FAS: variants seen among roughly 807,000 people sequenced by gnomAD.
FAS encodes the protein tumor necrosis factor receptor superfamily member 6.
FAS carries 5 observed loss-of-function variants against 33.2 expected under a neutral mutation model. The observed-to-expected ratio is 0.15, with a 90% CI of 0.08 to 0.32. The LOEUF (loss-of-function observed/expected upper bound fraction) is 0.32. Among genes scored for constraint, FAS ranks in the 10% least tolerant of loss-of-function variants. The pLI is 1.00. For synonymous variants in FAS, 131 were observed against 130.7 expected, an observed-to-expected ratio of 1.00 and a Z score of -0.01; for missense variants, 339 against 386.0, an observed-to-expected ratio of 0.88 and a Z score of 1.02.
intron 2 of FAS, 131 bp from the exon 3 acceptor site, chr10:89,007,569 A>C (rs1175680505): frequency 2.8e-6 from 3 of 1,077,468 alleles, no homozygotes; most frequent in African/African-American, 1.6e-5. Context: ...CATTGTATTT[A>C]TATCTCATTA....
chr10:88,970,515 G>A (rs1846414116), intron 1 of FAS, among the ~76,000 whole-genome samples: 1 of 152,054 alleles, frequency 6.6e-6, no homozygotes. Context: ...AACTCAGAGA[G>A]GTAGTGAATG....
chr10:88,991,016 G>A (rs1847155425), intron 1 of FAS, 110 bp downstream of exon 1: 2 of 1,476,244 alleles, frequency 1.4e-6, no homozygotes, highest in Non-Finnish European at 1.9e-6. Context: ...CGGCGCACGC[G>A]GGCACCTGGG....
rs1847144532 is a variant in FAS, at chr10:88,990,951, C to G, written c.30+45C>G. On this transcript the variant is annotated intron_variant, in intron 1 of 8. Transcript: ENST00000652046. The surrounding 1 kb of genome is among the most constrained non-coding windows in gnomAD (Gnocchi z 4.9). ...GGTGGAGGCTTACCCCGTCTTAGTC[C>G]CGGGGATAGGCAAAGTGGGGCGGGC... 6.2e-7 allele frequency: 1 copy of G among 1,613,826 alleles called. No homozygotes were observed. The highest frequency in any genetic ancestry group is 2.2e-5 in the East Asian group (1 of 44,864).
chr10:89,000,908 A>G (rs1019978770), intron 1 of FAS, among the ~76,000 whole-genome samples: 13 of 111,542 alleles, frequency 1.2e-4, no homozygotes, highest in African/African-American at 3.7e-4. Context: ...ATTAGCCGTC[A>G]TAGTGTGCAT....
upstream of FAS, among the ~76,000 whole-genome samples, chr10:88,983,216 C>A (rs1284701795): frequency 1.3e-5 from 2 of 152,100 alleles, no homozygotes; most frequent in Non-Finnish European, 2.9e-5. Flanking sequence ...GAGGAGTGAA[C>A]ATAAACAGCA....
chr10:88,973,363 C>A lies in FAS; in HGVS notation n.260+16C>A. 9 of 1,460,612 alleles carry A rather than the reference C, an allele frequency of 6.2e-6. No individual in the cohort carries two copies. In the South Asian group the frequency reaches 9.1e-5, roughly 15 times the overall value. 90.5% of individuals were successfully genotyped at this position (1,460,612 alleles called of 1,614,324 possible). On this transcript the variant is annotated intron_variant and non_coding_transcript_variant, in intron 2 of 3. Transcript: ENST00000688239. ...AGGTGATTAGGTAATCCAAGAATTG[C>A]CAGGCGAACAATTGTGAAAATCTTT...
At chr10:89,012,412 A>G (rs970446662) in intron 7 of FAS, 6 of 299,242 alleles carry the variant, frequency 2.0e-5, no homozygotes, top group Admixed American at 4.7e-5. Context: ...TTTTGACCTC[A>G]AGCAATCCTT....
chr10:88,964,326 G>C (rs138692966), intron 1 of FAS, among the ~76,000 whole-genome samples: 9 of 152,182 alleles, frequency 5.9e-5, no homozygotes. Flanking sequence ...AATTCTCAAA[G>C]AAGTGGCTTA....
At chr10:88,977,308 A>C (rs557895694) in intron 2 of FAS, among the ~76,000 whole-genome samples, 38 of 151,682 alleles carry the variant, frequency 2.5e-4, no homozygotes, top group African/African-American at 8.0e-4. Context: ...TCTAACATTT[A>C]AGTCTTTAAT....
chr10:88,986,593 C>T (rs1482841823), upstream of FAS, among the ~76,000 whole-genome samples: 1 of 152,028 alleles, frequency 6.6e-6, no homozygotes, highest in Non-Finnish European at 1.5e-5. Context: ...CTTTAGGACA[C>T]TTTTCTTAGG....
At chr10:89,004,454 C>A (rs1292384113) in intron 2 of FAS, among the ~76,000 whole-genome samples, 1 of 151,910 alleles carries the variant, frequency 6.6e-6, no homozygotes, top group Non-Finnish European at 1.5e-5. Context: ...CATGCTGGTG[C>A]ACTGCACCCA....
At chr10:89,011,710 T>C (rs1326560888) in intron 6 of FAS, among the ~76,000 whole-genome samples, 1 of 152,236 alleles carries the variant, frequency 6.6e-6, no homozygotes, top group Non-Finnish European at 1.5e-5. Context: ...GTCCACATCT[T>C]TGCTGGACAG....
Position 89,016,813 on chromosome 10 carries a change from C to A in FAS, c.*2363C>A. On this transcript the variant is annotated 3_prime_UTR_variant, in exon 9 of 9. Coordinates refer to ENST00000652046, the MANE Select transcript of FAS (RefSeq NM_000043.6). ...GATCACATTGAAAGCATTGCATATT[C>A]AAACATCTTGGTCTTCTTTATTGGC... 4.6e-6 allele frequency: 1 copy of A among 215,762 alleles called. No individual in the cohort carries two copies. The highest frequency in any genetic ancestry group is 5.8e-5 in the Admixed American group (1 of 17,172). 13.4% of individuals were successfully genotyped at this position (215,762 alleles called of 1,614,324 possible).
chr10:88,975,350 C>A (rs1846537181), intron 2 of FAS, among the ~76,000 whole-genome samples: 1 of 152,180 alleles, frequency 6.6e-6, no homozygotes. Flanking sequence ...TAGCTCCATG[C>A]AGAAAAATTA....
chr10:88,964,285 C>A (rs1257119773), intron 1 of FAS, among the ~76,000 whole-genome samples: 2 of 152,034 alleles, frequency 1.3e-5, no homozygotes, highest in Non-Finnish European at 2.9e-5. Flanking sequence ...ATAGGCTTCA[C>A]GTATATATGG....
intron 1 of FAS, among the ~76,000 whole-genome samples, chr10:88,972,295 C>T (rs1846464789): frequency 6.6e-6 from 1 of 152,106 alleles, no homozygotes; most frequent in Non-Finnish European, 1.5e-5. Flanking sequence ...GTAAATTCAG[C>T]TATTGTCTTG....
At chr10:88,993,487 T>C (rs7097467) in intron 1 of FAS, among the ~76,000 whole-genome samples, 23,049 of 151,992 alleles carry the variant, frequency 0.15, 2,095 homozygotes, top group East Asian at 0.43. Context: ...CCCCAACAGG[T>C]TTTGTCTTGC....
At chr10:88,994,830 T>A (rs996336068) in intron 1 of FAS, among the ~76,000 whole-genome samples, 2 of 151,136 alleles carry the variant, frequency 1.3e-5, no homozygotes, top group African/African-American at 4.8e-5. Flanking sequence ...ATTTTTTAAT[T>A]TATTACTTAT....
At chr10:88,989,791 C>A (rs1564668421), upstream of FAS, among the ~76,000 whole-genome samples, 2 of 151,770 alleles carry the variant, frequency 1.3e-5, no homozygotes, top group Non-Finnish European at 1.5e-5. Context: ...GAGTGAGGTG[C>A]AGAGCTTGGT....
Sources: allele counts gnomAD v4.1 joint callset (sites outside exome capture counted in the v4.1 genomes callset), GRCh38; gene constraint gnomAD v4.1.1; non-coding constraint Gnocchi (gnomAD v3.1); transcripts MANE v1.5; gene names NCBI Gene and HGNC (gene_info 2026-07-23, HGNC 2026-07-21).